MLLT3: variants seen among roughly 807,000 people sequenced by gnomAD.
MLLT3 encodes protein AF-9.
A neutral mutation model predicts 53.2 loss-of-function variants in MLLT3; 4 were observed. The observed-to-expected ratio is 0.08, with a 90% confidence interval of 0.04 to 0.17. The LOEUF (loss-of-function observed/expected upper bound fraction) is 0.17. Among genes scored for constraint, MLLT3 ranks in the 10% least tolerant of loss-of-function variants. The pLI is 1.00. For missense variants in MLLT3, 569 were observed against 684.0 expected (o/e 0.83, Z 1.87); for synonymous variants, 283 against 230.6 (o/e 1.23, Z -2.06).
At chr9:20,499,992 A>G (rs1002835759) in intron 2 of MLLT3, among the ~76,000 whole-genome samples, 10 of 152,234 alleles carry the variant, frequency 6.6e-5, no homozygotes, top group African/African-American at 2.2e-4. Flanking sequence ...TCTTCCTTCA[A>G]TACCACCTAA....
chr9:20,356,891 G>A (rs1046324307), intron 8 of MLLT3, among the ~76,000 whole-genome samples: 14 of 152,162 alleles, frequency 9.2e-5, no homozygotes, highest in Non-Finnish European at 1.5e-4. Context: ...CAAAAGCTCC[G>A]GGTGTCAGTG....
At chr9:20,393,186 C>T (rs1822231551) in intron 5 of MLLT3, among the ~76,000 whole-genome samples, 1 of 152,036 alleles carries the variant, frequency 6.6e-6, no homozygotes, top group Admixed American at 6.6e-5. Context: ...GAGGATGAGC[C>T]ATTGCATTCT....
intron 2 of MLLT3, among the ~76,000 whole-genome samples, chr9:20,472,505 A>T (rs1343317729): frequency 6.6e-6 from 1 of 152,098 alleles, no homozygotes; most frequent in African/African-American, 2.4e-5. Flanking sequence ...TAAGAATTTC[A>T]AGTACTGCCC....
intron 2 of MLLT3, among the ~76,000 whole-genome samples, chr9:20,545,163 G>A (rs1587052112): frequency 6.7e-6 from 1 of 149,538 alleles, no homozygotes; most frequent in South Asian, 2.1e-4. Context: ...GAGGTAGGAG[G>A]AGCAACCTAA....
chr9:20,579,219 A>T lies in MLLT3; in HGVS notation c.193+41435T>A, dbSNP rs188641877. Reference sequence around the variant, plus strand: ...TACGTCTCTAAACAAATTAAAAATTAAAATTTAAAATTAGCTGGGCGTATG... The same window carrying T: ...TACGTCTCTAAACAAATTAAAAATTTAAATTTAAAATTAGCTGGGCGTATG... On this transcript the variant is annotated intron_variant, in intron 2 of 10. Transcript: ENST00000380338. Among the ~76,000 whole-genome samples, 607 of 152,238 alleles carry T rather than the reference A, an allele frequency of 4.0e-3. 1 individual carries two copies. The highest frequency in any genetic ancestry group is 0.014 in the African/African-American group (569 of 41,554).
chr9:20,342,013 T>C lies in MLLT3; in HGVS notation c.*4430A>G, dbSNP rs1243101780. The C allele has an allele frequency of 4.9e-6, 1 of 205,316 alleles. No homozygotes were observed. Among genetic ancestry groups the C allele is most frequent in the Non-Finnish European group, 1.0e-5 (1 of 100,414 alleles). The allele number at this position is 205,316 out of a possible 1,614,324, so 12.7% of individuals were successfully genotyped here. A position where few individuals can be genotyped will look rare whatever the true frequency, so the allele number is the denominator to read the frequency against. On this transcript the variant is annotated 3_prime_UTR_variant, in exon 11 of 11. Coordinates refer to ENST00000380338, the MANE Select transcript of MLLT3 (RefSeq NM_004529.4). ...CCTAAAATGAATGAGGCATGGACTC[T>C]CTGCCTTCAGCTGGTTTTGGACACA...
intron 2 of MLLT3, among the ~76,000 whole-genome samples, chr9:20,486,482 C>T (rs1824816622): frequency 6.6e-6 from 1 of 152,142 alleles, no homozygotes; most frequent in African/African-American, 2.4e-5. Flanking sequence ...TAACACAATT[C>T]CAACAAACAT....
intron 5 of MLLT3, among the ~76,000 whole-genome samples, chr9:20,401,232 T>A (rs1040680363): frequency 7.9e-5 from 12 of 152,186 alleles, no homozygotes; most frequent in African/African-American, 2.9e-4. Context: ...CATTGTATTA[T>A]CCCCAGTGCC....
chr9:20,448,512 G>C lies in MLLT3; in HGVS notation c.277-246C>G, dbSNP rs1823761996. On this transcript the variant is annotated intron_variant, in intron 3 of 10. Coordinates refer to ENST00000380338, the MANE Select transcript of MLLT3 (RefSeq NM_004529.4). The surrounding 1 kb of genome is among the most constrained non-coding windows in gnomAD (Gnocchi z 4.0). ...AAGAAAAACTTCTCTTCTTCCCCAT[G>C]ATCTTTCAGGTGACAGGATACCAGC... Among the ~76,000 whole-genome samples the C allele has an allele frequency of 6.6e-6, 1 of 152,026 alleles. No individual in the cohort carries two copies. Among genetic ancestry groups the C allele is most frequent in the South Asian group, 2.1e-4 (1 of 4,818 alleles).
chr9:20,557,110 A>C (rs1266101199), intron 2 of MLLT3, among the ~76,000 whole-genome samples: 2 of 152,086 alleles, frequency 1.3e-5, no homozygotes, highest in Non-Finnish European at 2.9e-5. Context: ...CATTTCCTCC[A>C]CAAGCTTTGC....
At chr9:20,492,032 GTAA>G (rs1176743951) in intron 2 of MLLT3, among the ~76,000 whole-genome samples, 1 of 152,092 alleles carries the variant, frequency 6.6e-6, no homozygotes, top group East Asian at 1.9e-4. Flanking sequence ...CTTAGGTTCA[GTAA>G]TAAAACATTT....
chr9:20,454,096 C>G (rs923767119), intron 3 of MLLT3, among the ~76,000 whole-genome samples: 1 of 152,150 alleles, frequency 6.6e-6, no homozygotes, highest in African/African-American at 2.4e-5. Flanking sequence ...ATCTCATATG[C>G]TGCTTTCTTC....
At chr9:20,386,642 C>G (rs899104302) in intron 5 of MLLT3, among the ~76,000 whole-genome samples, 38 of 152,154 alleles carry the variant, frequency 2.5e-4, no homozygotes, top group Admixed American at 2.2e-3. Flanking sequence ...AACTCCTATT[C>G]TAAAGATGTG....
At chr9:20,363,888 A>C (rs567939482) in intron 6 of MLLT3, among the ~76,000 whole-genome samples, 3 of 152,306 alleles carry the variant, frequency 2.0e-5, no homozygotes, top group African/African-American at 7.2e-5. Context: ...ATTATACATA[A>C]AAAGAAAAAG....
Position 20,565,922 on chromosome 9 carries a change from T to TTA in MLLT3, c.193+54730_193+54731dup, listed in dbSNP as rs775070739. 2.6e-3 allele frequency among the ~76,000 whole-genome samples: 252 copies of TTA among 97,606 alleles called. 4 individuals carry two copies. Among genetic ancestry groups the TTA allele is most frequent in the African/African-American group, 9.6e-3 (216 of 22,602 alleles). 64.0% of individuals were successfully genotyped at this position (97,606 alleles called of 152,430 possible). On this transcript the variant is annotated intron_variant, in intron 2 of 10. Transcript: ENST00000380338. ...ACTCAAGGAAAAAATATATATATAT[T>TTA]TATATATATATATATTTATATATAT...
chr9:20,488,573 G>C (rs1303734332), intron 2 of MLLT3, among the ~76,000 whole-genome samples: 1 of 152,008 alleles, frequency 6.6e-6, no homozygotes, highest in African/African-American at 2.4e-5. Context: ...AACAAATGAA[G>C]CAAATATAAT....
At chr9:20,565,972 ATATATATATATTTATTTATATATTTATT>A (rs1563820627) in intron 2 of MLLT3, among the ~76,000 whole-genome samples, 19 of 20,028 alleles carry the variant, frequency 9.5e-4, no homozygotes, top group African/African-American at 2.5e-3. Context: ...ATATATTTAT[ATATATATATATTTATTTATATATTTATT>A]TATATATATA....
intron 2 of MLLT3, among the ~76,000 whole-genome samples, chr9:20,472,877 CATTT>C (rs1824429635): frequency 2.6e-5 from 4 of 151,222 alleles, no homozygotes; most frequent in South Asian, 2.1e-4. Context: ...CTATTCTTTC[CATTT>C]ATTTCTTTTT....
chr9:20,428,626 G>T (rs576878329), intron 4 of MLLT3, among the ~76,000 whole-genome samples: 66 of 152,024 alleles, frequency 4.3e-4, no homozygotes, highest in Admixed American at 2.2e-3. Flanking sequence ...ATGCACAGAA[G>T]AATAATAAAC....
Sources: allele counts gnomAD v4.1 joint callset (sites outside exome capture counted in the v4.1 genomes callset), GRCh38; gene constraint gnomAD v4.1.1; non-coding constraint Gnocchi (gnomAD v3.1); transcripts MANE v1.5; gene names NCBI Gene and HGNC (gene_info 2026-07-23, HGNC 2026-07-21).